The following MED14 variants were observed in gnomAD, a reference collection of about 807,000 sequenced individuals.
MED14 encodes mediator of RNA polymerase II transcription subunit 14.
MED14 carries 8 observed loss-of-function variants against 109.0 expected under a neutral mutation model. The ratio of observed to expected loss-of-function variants is 0.07; its 90% CI spans 0.04 to 0.13. MED14 has a LOEUF of 0.13. Among genes scored for constraint, MED14 ranks in the 10% least tolerant of loss-of-function variants. The probability of loss-of-function intolerance (pLI) is 1.00; values close to 1 mark genes in which losing one functional copy is unlikely to be tolerated. For synonymous variants in MED14, 399 were observed against 408.7 expected, an observed-to-expected ratio of 0.98 and a Z score of 0.29; for missense variants, 711 against 1,142.4, an observed-to-expected ratio of 0.62 and a Z score of 5.44.
intron 3 of MED14, 22 bp downstream of exon 3, chrX:40,726,724 T>G: frequency 8.8e-7 from 1 of 1,140,327 alleles, no homozygotes; most frequent in Non-Finnish European, 1.2e-6. Context: ...TTATACAAAG[T>G]AAAATAAAAA....
At chrX:40,714,787 C>A in intron 3 of MED14, 77 bp from the exon 4 acceptor site, 1 of 894,977 alleles carries the variant, frequency 1.1e-6, no homozygotes, top group Non-Finnish European at 1.5e-6. Context: ...TTAAATCATT[C>A]CAAAGTAAAC....
intron 3 of MED14, among the ~76,000 whole-genome samples, chrX:40,716,089 G>GA (rs949876033): frequency 1.8e-5 from 2 of 111,287 alleles, no homozygotes; most frequent in African/African-American, 6.5e-5. Context: ...AAGGTATTAT[G>GA]AAAAAATGCA....
intron 16 of MED14, among the ~76,000 whole-genome samples, chrX:40,686,799 A>G (rs1244932281): frequency 8.9e-6 from 1 of 112,036 alleles, no homozygotes; most frequent in East Asian, 2.8e-4. Flanking sequence ...GGGAAACAAT[A>G]AAGTGTACCC....
chrX:40,662,777 C>T (rs982041894), intron 26 of MED14, 148 bp downstream of exon 26: 15 of 453,167 alleles, frequency 3.3e-5, no homozygotes, highest in Non-Finnish European at 5.6e-5. Context: ...TTTTTAATGC[C>T]AGGTTAGGGT....
chrX:40,667,659 T>C (rs772760587), intron 23 of MED14, among the ~76,000 whole-genome samples: 2 of 112,146 alleles, frequency 1.8e-5, no homozygotes, highest in East Asian at 2.8e-4. Context: ...GCGGAAATCA[T>C]GGACGAACTT....
intron 23 of MED14, among the ~76,000 whole-genome samples, chrX:40,669,882 T>A (rs780020028): frequency 4.3e-4 from 48 of 111,037 alleles, no homozygotes; most frequent in African/African-American, 1.5e-3. Flanking sequence ...AAACAACGCA[T>A]CCTCAAGAAA....
intron 3 of MED14, among the ~76,000 whole-genome samples, chrX:40,723,241 G>A (rs935096954): frequency 8.9e-6 from 1 of 112,241 alleles, no homozygotes; most frequent in Non-Finnish European, 1.9e-5. Flanking sequence ...GGGAGATAAA[G>A]TTAAACTGCA....
intron 2 of MED14, among the ~76,000 whole-genome samples, chrX:40,728,251 T>C (rs1796619017): frequency 2.7e-5 from 3 of 111,555 alleles, no homozygotes; most frequent in South Asian, 3.7e-4. Context: ...TTGTAAACTA[T>C]AGTAACATGG....
intron 12 of MED14, among the ~76,000 whole-genome samples, chrX:40,697,699 G>A (rs1930771999): frequency 1.8e-5 from 2 of 111,296 alleles, no homozygotes; most frequent in Non-Finnish European, 3.8e-5. Context: ...CTTGAAGCTA[G>A]GATATCATAT....
Position 40,735,477 on chromosome X carries a change from G to T in MED14, c.-65C>A. 1 of 1,024,775 alleles carries T rather than the reference G, an allele frequency of 9.8e-7. No individual in the cohort carries two copies. The highest frequency in any genetic ancestry group is 1.3e-6 in the Non-Finnish European group (1 of 754,182). 84.5% of individuals were successfully genotyped at this position (1,024,775 alleles called of 1,213,427 possible). A position where few individuals can be genotyped will look rare whatever the true frequency, so the allele number is the denominator to read the frequency against. On this transcript the variant is annotated 5_prime_UTR_variant, in exon 1 of 31. Transcript: ENST00000324817. ...CGGTCCTCGAGCCTCCCGGGCGCTC[G>T]GTCACCGCGCCGAAACGGGAGCGGG...
At chrX:40,682,319 A>T (rs1347063072) in intron 18 of MED14, among the ~76,000 whole-genome samples, 5 of 112,042 alleles carry the variant, frequency 4.5e-5, no homozygotes, top group African/African-American at 1.6e-4. Flanking sequence ...TCATTTGTTA[A>T]CACAAGCAAA....
intron 3 of MED14, among the ~76,000 whole-genome samples, chrX:40,719,049 G>A (rs1931633314): frequency 8.9e-6 from 1 of 111,764 alleles, no homozygotes; most frequent in African/African-American, 3.3e-5. Flanking sequence ...ATAAGCACAT[G>A]AAAACAGGTT....
intron 3 of MED14, among the ~76,000 whole-genome samples, chrX:40,715,495 C>T (rs1931479699): frequency 9.0e-6 from 1 of 110,980 alleles, no homozygotes; most frequent in Non-Finnish European, 1.9e-5. Flanking sequence ...TGCTCTAAGA[C>T]ATTGGCCTGG....
At chrX:40,715,475 A>G (rs1238398738) in intron 3 of MED14, among the ~76,000 whole-genome samples, 2 of 111,228 alleles carry the variant, frequency 1.8e-5, no homozygotes, top group African/African-American at 6.5e-5. Flanking sequence ...AGAAGAAAGC[A>G]TTGGAAAAAT....
At position 40,648,558 on chromosome X, in the gene MED14, G is replaced by C. The variant is rs1928745969; in HGVS notation, c.*3248C>G. ...GCCTCCATTTACTCATTTTTAAGAA[G>C]AGGATATCAATAACCTACCACATTG... On this transcript the variant is annotated 3_prime_UTR_variant, in exon 31 of 31. Transcript: ENST00000324817. 8.9e-6 allele frequency: 1 copy of C among 112,209 alleles called. No homozygotes were observed. The highest frequency in any genetic ancestry group is 3.7e-4 in the South Asian group (1 of 2,722). The allele number at this position is 112,209 out of a possible 1,213,427, so 9.2% of individuals were successfully genotyped here.
chrX:40,668,454 T>G (rs1034538418), intron 23 of MED14, among the ~76,000 whole-genome samples: 1 of 109,119 alleles, frequency 9.2e-6, no homozygotes, highest in Non-Finnish European at 1.9e-5. Flanking sequence ...AGACTGAGAT[T>G]GGAGATATAA....
chrX:40,676,009 A>G (rs5963832), intron 21 of MED14, among the ~76,000 whole-genome samples: 4,600 of 112,253 alleles, frequency 0.041, 107 homozygotes, highest in African/African-American at 0.093. Context: ...AATAGTCCAT[A>G]GTGGGCTGAG....
intron 19 of MED14, among the ~76,000 whole-genome samples, 182 bp from the exon 20 acceptor site, chrX:40,681,092 A>G (rs1930093766): frequency 1.8e-5 from 2 of 112,568 alleles, no homozygotes; most frequent in Non-Finnish European, 3.8e-5. Flanking sequence ...TGAACAGTAC[A>G]CTCCCTGACC....
At chrX:40,695,820 G>A (rs1316594752) in intron 13 of MED14, among the ~76,000 whole-genome samples, 5 of 112,080 alleles carry the variant, frequency 4.5e-5, no homozygotes, top group Non-Finnish European at 9.4e-5. Context: ...AGTATCCCGA[G>A]CTTAAGATAT....
Sources: allele counts gnomAD v4.1 joint callset (sites outside exome capture counted in the v4.1 genomes callset), GRCh38; gene constraint gnomAD v4.1.1; transcripts MANE v1.5; gene names NCBI Gene and HGNC (gene_info 2026-07-23, HGNC 2026-07-21).